Variants in PTPRD observed in about 807,000 individuals in gnomAD.
PTPRD encodes the protein protein tyrosine phosphatase receptor type D, also known as receptor-type tyrosine-protein phosphatase delta.
PTPRD carries 34 observed loss-of-function variants against 214.5 expected under a neutral mutation model. The ratio of observed to expected loss-of-function variants is 0.16; its 90% CI spans 0.12 to 0.21. The LOEUF (loss-of-function observed/expected upper bound fraction) is 0.21, where lower values mean the gene tolerates loss of function less well. Among genes scored for constraint, PTPRD ranks in the 10% least tolerant of loss-of-function variants. The pLI is 1.00. For missense variants in PTPRD, 2,545 were observed against 2,398.7 expected (o/e 1.06, Z -1.27); for synonymous variants, 1,128 against 845.7 (o/e 1.33, Z -5.79).
intron 3 of PTPRD, among the ~76,000 whole-genome samples, chr9:10,069,018 T>C (rs1303627174): frequency 1.3e-5 from 2 of 152,026 alleles, no homozygotes; most frequent in African/African-American, 4.8e-5. Flanking sequence ...TTCAGCAAAA[T>C]TAGTTCTTTG....
chr9:9,121,078 A>C (rs76377517), intron 10 of PTPRD, among the ~76,000 whole-genome samples: 1 of 152,196 alleles, frequency 6.6e-6, no homozygotes, highest in Non-Finnish European at 1.5e-5. Flanking sequence ...CAGGAGTCCA[A>C]TTTTCAGTTC....
At chr9:9,476,212 T>A (rs10759078) in intron 8 of PTPRD, among the ~76,000 whole-genome samples, 2 of 151,912 alleles carry the variant, frequency 1.3e-5, no homozygotes, top group South Asian at 4.1e-4. Context: ...AGTGTGTCTA[T>A]CTCTTCTTGA....
chr9:9,785,115 A>G (rs1020539911), intron 5 of PTPRD, among the ~76,000 whole-genome samples: 3 of 152,014 alleles, frequency 2.0e-5, no homozygotes, highest in African/African-American at 7.2e-5. Context: ...GAAATTGTAT[A>G]TTTTTGTTTC....
intron 3 of PTPRD, among the ~76,000 whole-genome samples, chr9:10,293,231 T>C (rs902640079): frequency 6.6e-6 from 1 of 151,838 alleles, no homozygotes; most frequent in Non-Finnish European, 1.5e-5. Flanking sequence ...AGAAAAAATA[T>C]TGGGGTTTTC....
At chr9:8,924,804 A>G (rs1016914506) in intron 11 of PTPRD, among the ~76,000 whole-genome samples, 7 of 152,142 alleles carry the variant, frequency 4.6e-5, no homozygotes, top group African/African-American at 1.7e-4. Flanking sequence ...AGGCTAGAAC[A>G]TATATTTCTT....
chr9:8,952,320 A>G (rs766005337), intron 11 of PTPRD, among the ~76,000 whole-genome samples: 41 of 152,036 alleles, frequency 2.7e-4, no homozygotes, highest in Non-Finnish European at 5.2e-4. Context: ...AAAATTCAGC[A>G]TATTAATATA....
intron 3 of PTPRD, among the ~76,000 whole-genome samples, chr9:10,237,534 C>A (rs145518235): frequency 1.3e-5 from 2 of 151,824 alleles, no homozygotes; most frequent in African/African-American, 4.8e-5. Context: ...AAAATTTAAG[C>A]AAGCCTTCTA....
At chr9:9,050,421 A>G (rs1005183832) in intron 10 of PTPRD, among the ~76,000 whole-genome samples, 4 of 152,126 alleles carry the variant, frequency 2.6e-5, no homozygotes, top group Admixed American at 2.0e-4. Context: ...TGGTCTCTCA[A>G]CAATCAAAGA....
intron 36 of PTPRD, among the ~76,000 whole-genome samples, chr9:8,394,065 T>C (rs538096213): frequency 7.9e-5 from 12 of 152,202 alleles, no homozygotes; most frequent in Middle Eastern, 3.4e-3. Flanking sequence ...TAGGCACGTT[T>C]TAGGCTCTCA....
chr9:9,300,081 C>G (rs1004420030), intron 9 of PTPRD, among the ~76,000 whole-genome samples: 5 of 150,032 alleles, frequency 3.3e-5, no homozygotes, highest in Non-Finnish European at 5.9e-5. Flanking sequence ...GGCCACTGTC[C>G]CATATTCTCC....
intron 14 of PTPRD, among the ~76,000 whole-genome samples, chr9:8,570,423 T>C (rs1050865856): frequency 1.3e-5 from 2 of 152,152 alleles, no homozygotes; most frequent in African/African-American, 4.8e-5. Context: ...TTTAATAAGC[T>C]TCCCTTTTCC....
chr9:10,502,159 G>A (rs1326730520), intron 2 of PTPRD, among the ~76,000 whole-genome samples: 1 of 151,838 alleles, frequency 6.6e-6, no homozygotes, highest in Non-Finnish European at 1.5e-5. Flanking sequence ...AATTAGCAAA[G>A]AGAGGGATTT....
chr9:8,561,871 G>GA (rs2086529062), intron 14 of PTPRD, among the ~76,000 whole-genome samples: 1 of 151,472 alleles, frequency 6.6e-6, no homozygotes, highest in Non-Finnish European at 1.5e-5. Context: ...AATGTTTCCA[G>GA]TGCCAAAGTT....
intron 32 of PTPRD, among the ~76,000 whole-genome samples, chr9:8,463,680 C>G (rs1028777883): frequency 1.6e-4 from 25 of 151,798 alleles, no homozygotes; most frequent in Non-Finnish European, 4.4e-5. Context: ...ATTTCTTGTG[C>G]GTGGCAATAA....
Position 9,354,238 on chromosome 9 carries a change from T to C in PTPRD, c.-203+43211A>G, listed in dbSNP as rs377433603. Among the ~76,000 whole-genome samples, 48 of 151,964 alleles carry C rather than the reference T, an allele frequency of 3.2e-4. No homozygotes were observed. In the South Asian group the frequency reaches 9.1e-3, roughly 29 times the overall value. ...CCTAATCATGATAATGACTGTTCCA[T>C]CATATTTACAAGTCCTGGGATTTGT... On this transcript the variant is annotated intron_variant, in intron 9 of 45. Transcript: ENST00000381196.
intron 3 of PTPRD, among the ~76,000 whole-genome samples, chr9:10,036,533 C>CACA (rs2097185045): frequency 1.1e-5 from 1 of 93,076 alleles, no homozygotes; most frequent in African/African-American, 4.6e-5. Flanking sequence ...CACACACACA[C>CACA]AATTTTGCCA....
chr9:8,553,265 G>T (rs1407925923), intron 14 of PTPRD, among the ~76,000 whole-genome samples: 1 of 151,960 alleles, frequency 6.6e-6, no homozygotes, highest in Non-Finnish European at 1.5e-5. Flanking sequence ...AAATATTAGT[G>T]AAAGAAAAAA....
chr9:8,874,779 G>A (rs375850922), intron 11 of PTPRD, among the ~76,000 whole-genome samples: 7 of 152,326 alleles, frequency 4.6e-5, no homozygotes, highest in African/African-American at 1.4e-4. Flanking sequence ...TACTGTGATT[G>A]TGCAGAGCAT....
In PTPRD at chr9:10,392,953, TCTCAGTC is replaced by T. The variant is rs1434545117; in HGVS notation, c.-599-51943_-599-51937del. Among the ~76,000 whole-genome samples the T allele has an allele frequency of 3.3e-5, 5 of 151,770 alleles. No individual in the cohort carries two copies. In the Admixed American group the frequency reaches 3.3e-4, roughly 10 times the overall value. On this transcript the variant is annotated intron_variant, in intron 2 of 45. Coordinates refer to ENST00000381196, the MANE Select transcript of PTPRD (RefSeq NM_002839.4). ...TTCATCACAGTGGGGTCTGCTGGAT[TCTCAGTC>T]CTCAAAGTAGCAGAGCAGAGCAGTC...
Sources: gnomAD v4.1 joint callset for allele counts (sites outside exome capture counted in the v4.1 genomes callset) on GRCh38, gnomAD v4.1.1 for gene constraint, MANE v1.5 for transcripts, NCBI Gene and HGNC (gene_info 2026-07-23, HGNC 2026-07-21) for gene names.